Variants in HYDIN observed in about 807,000 individuals in gnomAD.
HYDIN encodes axonemal central pair apparatus protein HYDIN.
HYDIN carries 132 observed loss-of-function variants against 403.9 expected under a neutral mutation model. The ratio of observed to expected loss-of-function variants is 0.33; its 90% CI spans 0.28 to 0.38. HYDIN has a LOEUF of 0.38. HYDIN is among the 10% of genes least tolerant of loss of function. HYDIN has a pLI of 1.00. For synonymous variants in HYDIN, 1,202 were observed against 1,891.7 expected (o/e 0.64, Z 9.46); for missense variants, 2,827 against 5,009.5 (o/e 0.56, Z 13.15).
intron 52 of HYDIN, among the ~76,000 whole-genome samples, chr16:70,902,811 ATATATATATATT>A (rs58041243): frequency 0.12 from 4,144 of 33,344 alleles, 193 homozygotes; most frequent in East Asian, 0.37. Flanking sequence ...ATATATATAT[ATATATATATATT>A]TTTTTTTTTT....
chr16:70,945,643 C>A (rs972482597), intron 41 of HYDIN, among the ~76,000 whole-genome samples: 11 of 152,054 alleles, frequency 7.2e-5, no homozygotes, highest in Non-Finnish European at 1.3e-4. Flanking sequence ...GATTGAGAAG[C>A]TGGGGAAGTA....
intron 11 of HYDIN, among the ~76,000 whole-genome samples, chr16:71,089,729 G>T (rs1012842311): frequency 6.6e-6 from 1 of 152,224 alleles, no homozygotes; most frequent in African/African-American, 2.4e-5. Flanking sequence ...AATTGAGTGG[G>T]TGTACAGGAA....
chr16:71,224,933 T>G (rs1357171542), intron 1 of HYDIN, among the ~76,000 whole-genome samples: 2 of 152,176 alleles, frequency 1.3e-5, no homozygotes, highest in African/African-American at 2.4e-5. Flanking sequence ...ATCAATGAGT[T>G]GAAGTTACTG....
chr16:71,081,130 G>C (rs1455700734), intron 12 of HYDIN: 1 of 152,034 alleles, frequency 6.6e-6, no homozygotes, highest in African/African-American at 2.4e-5. Context: ...GTGATAATTT[G>C]TTACAACAGC....
At chr16:71,022,418 C>T (rs1347601592) in intron 21 of HYDIN, among the ~76,000 whole-genome samples, 4 of 152,254 alleles carry the variant, frequency 2.6e-5, no homozygotes, top group South Asian at 2.1e-4. Flanking sequence ...GTTTCATCTC[C>T]GTGGCTTATG....
At position 70,931,562 on chromosome 16, in the gene HYDIN, C is replaced by G. The variant is rs558967325; in HGVS notation, c.7158+4390G>C. Among the ~76,000 whole-genome samples, 431 of 151,690 alleles carry G rather than the reference C, an allele frequency of 2.8e-3. 1 individual carries two copies. The highest frequency in any genetic ancestry group is 4.5e-3 in the Non-Finnish European group (308 of 67,872). On this transcript the variant is annotated intron_variant, in intron 45 of 85. Coordinates refer to ENST00000393567, the MANE Select transcript of HYDIN (RefSeq NM_001270974.2). ...CCAGCCCAGACCTACGGAATCGGAA[C>G]CTCTCTGCATATTAACAGGATCCCT...
intron 53 of HYDIN, among the ~76,000 whole-genome samples, chr16:70,897,233 G>A (rs2143738762): frequency 6.6e-6 from 1 of 152,152 alleles, no homozygotes; most frequent in East Asian, 1.9e-4. Flanking sequence ...CTAGGAGGCG[G>A]TAAAGGGTCC....
chr16:71,205,455 C>T (rs2088245725), intron 1 of HYDIN, among the ~76,000 whole-genome samples: 1 of 152,212 alleles, frequency 6.6e-6, no homozygotes, highest in Admixed American at 6.5e-5. Flanking sequence ...ATCCCCAACA[C>T]TTATAGAATG....
intron 1 of HYDIN, among the ~76,000 whole-genome samples, chr16:71,222,897 G>C (rs892593976): frequency 2.6e-5 from 4 of 152,110 alleles, no homozygotes; most frequent in African/African-American, 9.7e-5. Context: ...AATCAACATT[G>C]TGAAAATGAC....
intron 18 of HYDIN, among the ~76,000 whole-genome samples, chr16:71,042,031 C>T (rs1296604039): frequency 6.6e-6 from 1 of 150,858 alleles, no homozygotes; most frequent in African/African-American, 2.4e-5. Context: ...GTTACCATCC[C>T]CAGAGGTAGC....
intron 39 of HYDIN, among the ~76,000 whole-genome samples, chr16:70,956,650 AGGAGGAAGAAG>A (rs1187819998): frequency 6.6e-6 from 1 of 152,102 alleles, no homozygotes; most frequent in Non-Finnish European, 1.5e-5. Flanking sequence ...ATGGCTGGGA[AGGAGGAAGAAG>A]GGGCCAGGAA....
intron 1 of HYDIN, among the ~76,000 whole-genome samples, chr16:71,218,766 T>C (rs1185448488): frequency 6.6e-6 from 1 of 152,242 alleles, no homozygotes; most frequent in Non-Finnish European, 1.5e-5. Context: ...CCTCCTGTTA[T>C]TGCTTTTTAT....
intron 37 of HYDIN, among the ~76,000 whole-genome samples, chr16:70,964,246 C>A (rs1324648830): frequency 6.7e-6 from 1 of 149,744 alleles, no homozygotes; most frequent in Non-Finnish European, 1.5e-5. Context: ...TGAATGCCCA[C>A]CCCCTGCTTT....
chr16:71,152,838 G>A (rs1299366736), intron 6 of HYDIN, 55 bp from the exon 7 acceptor site: 111 of 1,567,100 alleles, frequency 7.1e-5, no homozygotes, highest in Non-Finnish European at 8.9e-5. Flanking sequence ...AGTGTGAGAC[G>A]GGGAGGAAAG....
Position 70,955,431 on chromosome 16 carries a change from C to T in HYDIN, c.6260G>A (p.Arg2087His), listed in dbSNP as rs374515859. Reference protein sequence around the residue: ...NSNNIPGIRARELCIRAAIEQ... With the variant: ...NSNNIPGIRAHELCIRAAIEQ... ...TATGGCAGCCCTGATGCAGAGCTCACGGGCCCGGATCCCTGGGATGTTGTT... is the reference window on the plus strand; with the variant it reads ...TATGGCAGCCCTGATGCAGAGCTCATGGGCCCGGATCCCTGGGATGTTGTT... Residue 2087 changes from arginine (R) to histidine (H), a missense_variant, in exon 40 of 86, where the codon CGT becomes CAT. Coordinates refer to ENST00000393567, the MANE Select transcript of HYDIN (RefSeq NM_001270974.2). 45 of 1,613,956 alleles carry T rather than the reference C, an allele frequency of 2.8e-5. No homozygotes were observed. Among genetic ancestry groups the T allele is most frequent in the Admixed American group, 6.7e-5 (4 of 60,006 alleles).
At chr16:71,225,758 T>C (rs1489139618) in intron 1 of HYDIN, among the ~76,000 whole-genome samples, 1 of 151,722 alleles carries the variant, frequency 6.6e-6, no homozygotes, top group Non-Finnish European at 1.5e-5. Context: ...TAACATTTGA[T>C]TGGGTATGAA....
At chr16:71,189,931 A>G (rs1296444817) in intron 1 of HYDIN, among the ~76,000 whole-genome samples, 12 of 152,162 alleles carry the variant, frequency 7.9e-5, no homozygotes, top group Non-Finnish European at 4.4e-5. Flanking sequence ...AGCTACATCA[A>G]TATAGTTAGG....
chr16:71,177,169 T>A (rs928502686), intron 4 of HYDIN, among the ~76,000 whole-genome samples: 1 of 152,200 alleles, frequency 6.6e-6, no homozygotes, highest in Non-Finnish European at 1.5e-5. Context: ...ACTGAGTGTC[T>A]GGCAGACAAA....
chr16:71,022,913 G>A (rs1476476847), intron 21 of HYDIN, among the ~76,000 whole-genome samples: 1 of 151,772 alleles, frequency 6.6e-6, no homozygotes, highest in Non-Finnish European at 1.5e-5. Flanking sequence ...AAGGCATAAG[G>A]ATATAAAGAG....
Sources: allele counts gnomAD v4.1 joint callset (sites outside exome capture counted in the v4.1 genomes callset), GRCh38; gene constraint gnomAD v4.1.1; transcripts MANE v1.5; gene names NCBI Gene and HGNC (gene_info 2026-07-23, HGNC 2026-07-21).